ANO4: variants seen among roughly 807,000 people sequenced by gnomAD.
The protein encoded by ANO4 is anoctamin-4.
A neutral mutation model predicts 141.9 loss-of-function variants in ANO4; 69 were observed. That is an observed-to-expected ratio of 0.49 (90% CI 0.40 to 0.59). The LOEUF (loss-of-function observed/expected upper bound fraction) is 0.59, where lower values mean the gene tolerates loss of function less well. Ranked by LOEUF, ANO4 falls within the 20% of genes least tolerant of loss-of-function variation. The probability of loss-of-function intolerance (pLI) is 0.00; values close to 1 mark genes in which losing one functional copy is unlikely to be tolerated. For missense variants in ANO4, 894 were observed against 1,162.2 expected, an observed-to-expected ratio of 0.77 and a Z score of 3.36; for synonymous variants, 350 against 394.3, an observed-to-expected ratio of 0.89 and a Z score of 1.33.
Position 101,053,619 on chromosome 12 carries a change from G to A in ANO4, c.1312+5218G>A, listed in dbSNP as rs1193368682. Among the ~76,000 whole-genome samples the A allele has an allele frequency of 5.3e-5, 8 of 152,202 alleles. No individual in the cohort carries two copies. In the South Asian group the frequency reaches 6.2e-4, roughly 12 times the overall value. On this transcript the variant is annotated intron_variant, in intron 14 of 27. Transcript: ENST00000392977. ...TCTGTCTTCACCTGGCATTTGCCCC[G>A]TGTCTCTGTGTCTTCACATGGCTAT...
At chr12:100,822,995 ATACAC>A (rs2036135910) in intron 1 of ANO4, among the ~76,000 whole-genome samples, 1 of 152,050 alleles carries the variant, frequency 6.6e-6, no homozygotes, top group African/African-American at 2.4e-5. Context: ...AAAACAACAT[ATACAC>A]TAAAGAAATG....
At chr12:101,000,913 T>G (rs1450937188) in intron 8 of ANO4, among the ~76,000 whole-genome samples, 1 of 152,234 alleles carries the variant, frequency 6.6e-6, no homozygotes, top group African/African-American at 2.4e-5. Flanking sequence ...TTTATCTATC[T>G]GTAAATACAT....
At chr12:100,975,037 G>A in intron 7 of ANO4, 148 bp downstream of exon 7, 4 of 887,636 alleles carry the variant, frequency 4.5e-6, no homozygotes, top group South Asian at 1.4e-5. Context: ...AGCTGTGTCT[G>A]ATTAGCCTGA....
chr12:100,835,274 T>A (rs1257772575), intron 1 of ANO4, among the ~76,000 whole-genome samples: 1 of 102,718 alleles, frequency 9.7e-6, no homozygotes, highest in African/African-American at 2.8e-5. Context: ...GACAAATACC[T>A]TTTGTATATA....
chr12:100,866,076 G>C (rs1593564620), intron 1 of ANO4, among the ~76,000 whole-genome samples: 1 of 152,192 alleles, frequency 6.6e-6, no homozygotes, highest in Admixed American at 6.5e-5. Flanking sequence ...TCAGCCTCTA[G>C]AGTGGAGGGC....
intron 1 of ANO4, among the ~76,000 whole-genome samples, chr12:100,868,729 C>CTCA (rs2038886510): frequency 6.6e-6 from 1 of 152,152 alleles, no homozygotes; most frequent in Non-Finnish European, 1.5e-5. Flanking sequence ...ATGGCTGTTG[C>CTCA]TCATCCTAGG....
At chr12:100,970,663 C>CGCCTGCCTGCCTTCCT (rs372004015) in intron 5 of ANO4, among the ~76,000 whole-genome samples, 4 of 91,752 alleles carry the variant, frequency 4.4e-5, no homozygotes, top group South Asian at 4.4e-4. Flanking sequence ...CTCCCTCCCT[C>CGCCTGCCTGCCTTCCT]TCCTTCCTTC....
chr12:101,111,529 G>T (rs201912485), intron 23 of ANO4, 34 bp from the exon 24 acceptor site: 8 of 1,526,600 alleles, frequency 5.2e-6, no homozygotes, highest in Non-Finnish European at 7.1e-6. Context: ...TCTGTTTTGT[G>T]TATGGAACTA....
chr12:101,030,103 T>G (rs150436897), intron 9 of ANO4, among the ~76,000 whole-genome samples: 6 of 152,188 alleles, frequency 3.9e-5, no homozygotes, highest in African/African-American at 1.4e-4. Context: ...TATTCAGGAC[T>G]TGAACTCAGC....
intron 1 of ANO4, among the ~76,000 whole-genome samples, chr12:100,818,179 A>G (rs2035838805): frequency 6.6e-6 from 1 of 151,918 alleles, no homozygotes; most frequent in Admixed American, 6.6e-5. Flanking sequence ...TTAAAATTAT[A>G]TAGTTATAAT....
intron 8 of ANO4, among the ~76,000 whole-genome samples, chr12:101,018,456 A>G (rs1391889517): frequency 6.6e-6 from 1 of 152,132 alleles, no homozygotes; most frequent in African/African-American, 2.4e-5. Context: ...AGTTCTCATG[A>G]TTTACTTTTT....
chr12:100,743,237 ATAT>A (rs2031952621), intron 3 of ANO4, among the ~76,000 whole-genome samples: 1 of 150,554 alleles, frequency 6.6e-6, no homozygotes, highest in Non-Finnish European at 1.5e-5. Flanking sequence ...TTTAATTAAT[ATAT>A]TATTAAAATA....
At chr12:100,822,821 A>T (rs984788259) in intron 1 of ANO4, among the ~76,000 whole-genome samples, 4 of 151,910 alleles carry the variant, frequency 2.6e-5, no homozygotes, top group African/African-American at 9.7e-5. Context: ...TCTTACTCGT[A>T]CTTCCTTTGT....
chr12:100,877,444 G>A (rs1321914089), intron 1 of ANO4, among the ~76,000 whole-genome samples: 3 of 151,072 alleles, frequency 2.0e-5, no homozygotes, highest in African/African-American at 7.3e-5. Context: ...TTAAGAAACA[G>A]AGAAAGCAGA....
chr12:101,042,504 A>G (rs370933357), intron 12 of ANO4, 36 bp downstream of exon 12: 1 of 1,612,918 alleles, frequency 6.2e-7, no homozygotes, highest in Non-Finnish European at 8.5e-7. Context: ...GCCTTTGTTT[A>G]GTACTTAGAG....
chr12:100,767,505 C>A lies in ANO4; in HGVS notation c.358+27400C>A, dbSNP rs186989852. On this transcript the variant is annotated intron_variant, in intron 3 of 29. Coordinates refer to the ANO4 transcript ENST00000644049. The stretch of plus-strand genomic sequence containing the variant: ...CAAATAAGGGTTACCTGAACACAAG[C>A]ACTGTGATACCATGATGGTTAATCT... Among the ~76,000 whole-genome samples the A allele has an allele frequency of 1.9e-3, 290 of 152,266 alleles. 4 individuals are homozygous for A. Among genetic ancestry groups the A allele is most frequent in the African/African-American group, 6.8e-3 (282 of 41,556 alleles).
At chr12:101,079,167 T>C (rs368421243) in intron 14 of ANO4, 26 bp from the exon 15 acceptor site, 1 of 1,602,290 alleles carries the variant, frequency 6.2e-7, no homozygotes, top group South Asian at 1.1e-5. Flanking sequence ...TTCAAAAATG[T>C]CTTTGTCTTT....
chr12:100,792,777 TA>T (rs944599653), upstream of ANO4, among the ~76,000 whole-genome samples: 2 of 152,232 alleles, frequency 1.3e-5, no homozygotes, highest in African/African-American at 4.8e-5. Flanking sequence ...TCAACAGTAT[TA>T]ATCTCAATTC....
At chr12:100,978,905 AG>A (rs1283137609) in intron 7 of ANO4, among the ~76,000 whole-genome samples, 1 of 152,206 alleles carries the variant, frequency 6.6e-6, no homozygotes, top group African/African-American at 2.4e-5. Flanking sequence ...GGTGTCTTAA[AG>A]GCCTTTGGAA....
Sources: gnomAD v4.1 joint callset for allele counts (sites outside exome capture counted in the v4.1 genomes callset) on GRCh38, gnomAD v4.1.1 for gene constraint, MANE v1.5 for transcripts, NCBI Gene and HGNC (gene_info 2026-07-23, HGNC 2026-07-21) for gene names.